PDE1C: variants seen among roughly 807,000 people sequenced by gnomAD.
PDE1C encodes phosphodiesterase 1C.
PDE1C carries 62 observed loss-of-function variants against 93.1 expected under a neutral mutation model. The ratio of observed to expected loss-of-function variants is 0.67; its 90% confidence interval spans 0.54 to 0.82. The LOEUF (loss-of-function observed/expected upper bound fraction) is 0.82, where lower values mean the gene tolerates loss of function less well. Ranked by LOEUF, PDE1C falls within the 40% of genes least tolerant of loss-of-function variation. The pLI is 0.00. For missense variants in PDE1C, 742 were observed against 884.6 expected, an observed-to-expected ratio of 0.84 and a Z score of 2.04; for synonymous variants, 325 against 310.1, an observed-to-expected ratio of 1.05 and a Z score of -0.50.
chr7:32,039,885 T>A (rs1018412999), intron 2 of PDE1C, among the ~76,000 whole-genome samples: 2 of 152,238 alleles, frequency 1.3e-5, no homozygotes, highest in African/African-American at 4.8e-5. Flanking sequence ...CCTGTGATTT[T>A]GTGCTTTTCA....
chr7:32,186,807 G>T (rs1262197512), intron 2 of PDE1C, among the ~76,000 whole-genome samples: 1 of 151,790 alleles, frequency 6.6e-6, no homozygotes, highest in African/African-American at 2.4e-5. Context: ...CTATTTCATG[G>T]GCACTAATTT....
chr7:32,075,943 A>G (rs550740749), upstream of PDE1C, among the ~76,000 whole-genome samples: 1 of 152,270 alleles, frequency 6.6e-6, no homozygotes, highest in South Asian at 2.1e-4. Context: ...TTGTTTGGCC[A>G]TGGTTGGGTT....
intron 3 of PDE1C, among the ~76,000 whole-genome samples, chr7:32,106,621 G>A (rs1458837845): frequency 1.3e-5 from 2 of 152,118 alleles, no homozygotes; most frequent in Non-Finnish European, 2.9e-5. Context: ...CCCCATTTAA[G>A]GAGTCTCTAG....
intron 3 of PDE1C, among the ~76,000 whole-genome samples, chr7:32,140,169 C>T (rs1364297720): frequency 1.3e-5 from 2 of 152,312 alleles, no homozygotes; most frequent in East Asian, 3.9e-4. Flanking sequence ...GGCATTATTT[C>T]ATTTAATCCT....
the PDE1C span, among the ~76,000 whole-genome samples, chr7:31,637,835 G>C: frequency 1.2e-4 from 18 of 152,324 alleles, no homozygotes; most frequent in African/African-American, 3.8e-4. Context: ...GAACAGTATT[G>C]CCTAGGTTTT....
the PDE1C span, among the ~76,000 whole-genome samples, chr7:31,724,724 T>C: frequency 6.6e-6 from 1 of 152,190 alleles, no homozygotes; most frequent in Non-Finnish European, 1.5e-5. Context: ...GAGAGCACAA[T>C]ATCCTCTTCA....
chr7:32,080,622 G>A (rs1231316401), intron 3 of PDE1C, among the ~76,000 whole-genome samples: 2 of 152,186 alleles, frequency 1.3e-5, no homozygotes, highest in Admixed American at 1.3e-4. Context: ...CTCCAGATAA[G>A]TGAAATGTTA....
At chr7:32,002,619 A>C (rs1184674080) in intron 2 of PDE1C, among the ~76,000 whole-genome samples, 1 of 152,180 alleles carries the variant, frequency 6.6e-6, no homozygotes, top group Non-Finnish European at 1.5e-5. Context: ...AGTATTATTA[A>C]ACAAAAACCA....
intron 1 of PDE1C, among the ~76,000 whole-genome samples, chr7:32,056,394 C>A (rs971323193): frequency 6.6e-6 from 1 of 151,582 alleles, no homozygotes; most frequent in Non-Finnish European, 1.5e-5. Context: ...CACACACACA[C>A]ACACACACAC....
chr7:32,215,069 T>C (rs1806328846), intron 1 of PDE1C, among the ~76,000 whole-genome samples: 1 of 151,958 alleles, frequency 6.6e-6, no homozygotes, highest in Non-Finnish European at 1.5e-5. Flanking sequence ...GGACCCTAGG[T>C]TGTAAACCAG....
At chr7:31,711,010 G>C in the PDE1C span, among the ~76,000 whole-genome samples, 1 of 152,188 alleles carries the variant, frequency 6.6e-6, no homozygotes, top group Non-Finnish European at 1.5e-5. Flanking sequence ...AAGAAGAAAA[G>C]GATAGGTGTA....
chr7:32,018,985 T>C (rs1208162540), intron 2 of PDE1C, among the ~76,000 whole-genome samples: 1 of 151,814 alleles, frequency 6.6e-6, no homozygotes, highest in Non-Finnish European at 1.5e-5. Context: ...ACAGTCATGT[T>C]GCTATATTCA....
At chr7:31,805,059 A>T (rs1013989043) in intron 16 of PDE1C, among the ~76,000 whole-genome samples, 8 of 151,616 alleles carry the variant, frequency 5.3e-5, no homozygotes, top group Non-Finnish European at 1.0e-4. Flanking sequence ...AGATGTGATG[A>T]TTTTATAATG....
At chr7:32,292,665 C>A (rs1323739010) in intron 1 of PDE1C, among the ~76,000 whole-genome samples, 1 of 152,172 alleles carries the variant, frequency 6.6e-6, no homozygotes, top group Non-Finnish European at 1.5e-5. Flanking sequence ...TAGATTTGAA[C>A]CACAAGTGTC....
intron 1 of PDE1C, among the ~76,000 whole-genome samples, chr7:32,261,121 AG>A (rs1165221457): frequency 1.3e-5 from 2 of 152,258 alleles, no homozygotes; most frequent in Non-Finnish European, 2.9e-5. Context: ...GAAAAAAAAA[AG>A]AAAAGAAACT....
chr7:32,057,272 A>G (rs1794244849), intron 1 of PDE1C, among the ~76,000 whole-genome samples: 1 of 152,230 alleles, frequency 6.6e-6, no homozygotes, highest in South Asian at 2.1e-4. Flanking sequence ...AGAATTATTG[A>G]TTAACCCATA....
At chr7:31,925,110 T>TGA (rs1010628739) in intron 2 of PDE1C, among the ~76,000 whole-genome samples, 2 of 149,690 alleles carry the variant, frequency 1.3e-5, no homozygotes, top group African/African-American at 4.9e-5. Context: ...TGAGTGTGTG[T>TGA]GAGAGAGAGA....
intron 2 of PDE1C, among the ~76,000 whole-genome samples, chr7:31,891,828 AC>A (rs1798678456): frequency 6.6e-6 from 1 of 152,044 alleles, no homozygotes; most frequent in Non-Finnish European, 1.5e-5. Flanking sequence ...ACACACACAC[AC>A]ACACACACAC....
At chr7:32,065,303 T>G (rs954928135) in intron 1 of PDE1C, among the ~76,000 whole-genome samples, 5 of 152,182 alleles carry the variant, frequency 3.3e-5, no homozygotes, top group Non-Finnish European at 7.4e-5. Context: ...CCCGGAAGAC[T>G]CCTTGTTTTT....
Sources: allele counts gnomAD v4.1 joint callset (sites outside exome capture counted in the v4.1 genomes callset), GRCh38; gene constraint gnomAD v4.1.1; transcripts MANE v1.5; gene names NCBI Gene and HGNC (gene_info 2026-07-23, HGNC 2026-07-21).